Variants in PPM1D observed in about 807,000 individuals in gnomAD.
PPM1D encodes the protein protein phosphatase 1D.
A neutral mutation model predicts 58.3 loss-of-function variants in PPM1D; 52 were observed. The observed-to-expected ratio is 0.89, with a 90% CI of 0.71 to 1.12. The LOEUF is 1.12. Among genes scored for constraint, PPM1D ranks in the 50% most tolerant of loss-of-function variants. The pLI is 0.00. For missense variants in PPM1D, 564 were observed against 777.2 expected, an observed-to-expected ratio of 0.73 and a Z score of 3.26; for synonymous variants, 278 against 285.1, an observed-to-expected ratio of 0.98 and a Z score of 0.25.
chr17:60,641,454 A>C (rs2031132701), intron 3 of PPM1D, among the ~76,000 whole-genome samples: 1 of 152,086 alleles, frequency 6.6e-6, no homozygotes, highest in South Asian at 2.1e-4. Context: ...TAACTTGTTG[A>C]ATTGTTTAAG....
chr17:60,619,986 T>G (rs2143648139), intron 1 of PPM1D, among the ~76,000 whole-genome samples: 1 of 150,308 alleles, frequency 6.7e-6, no homozygotes, highest in Non-Finnish European at 1.5e-5. Flanking sequence ...TGTTTTTGTT[T>G]GTTTTGTTTT....
chr17:60,659,899 TGTG>T (rs1260294435), intron 5 of PPM1D, among the ~76,000 whole-genome samples: 74 of 152,328 alleles, frequency 4.9e-4, no homozygotes, highest in African/African-American at 1.8e-3. Context: ...CCAGCACACC[TGTG>T]GTGTCAGAAT....
chr17:60,662,566 T>TA (rs2031544056), intron 5 of PPM1D: 1 of 158,112 alleles, frequency 6.3e-6, no homozygotes, highest in African/African-American at 2.4e-5. Context: ...GAGAATGCGA[T>TA]ACTTTTGATC....
In PPM1D at chr17:60,663,615, G is replaced by A; in HGVS notation, c.*63G>A. On this transcript the variant is annotated 3_prime_UTR_variant, in exon 6 of 6. Transcript: ENST00000305921. ...TATAAGAGGGCTTTTTAAATTTGGT[G>A]CCGATGTTGAACTTTTTTTAAGGGG... is the stretch of plus-strand genomic sequence containing the variant. 6.6e-7 allele frequency: 1 copy of A among 1,513,070 alleles called. No homozygotes were observed. Among genetic ancestry groups the A allele is most frequent in the Non-Finnish European group, 8.8e-7 (1 of 1,130,390 alleles). 93.7% of individuals were successfully genotyped at this position (1,513,070 alleles called of 1,614,324 possible). A position where few individuals can be genotyped will look rare whatever the true frequency, so the allele number is the denominator to read the frequency against.
At chr17:60,652,185 ACTCT>A (rs1202088367) in intron 4 of PPM1D, among the ~76,000 whole-genome samples, 1 of 149,966 alleles carries the variant, frequency 6.7e-6, no homozygotes, top group South Asian at 2.1e-4. Context: ...CCACAATTCT[ACTCT>A]CTCTCTTTGT....
chr17:60,621,621 C>T (rs1178290176), intron 1 of PPM1D, among the ~76,000 whole-genome samples: 19 of 144,164 alleles, frequency 1.3e-4, no homozygotes, highest in African/African-American at 4.7e-4. Flanking sequence ...GGCCAGACTG[C>T]GGACTGCAGT....
chr17:60,610,372 C>T (rs753238895), intron 1 of PPM1D, among the ~76,000 whole-genome samples: 25 of 152,082 alleles, frequency 1.6e-4, no homozygotes, highest in Admixed American at 9.8e-4. Context: ...TGTTGACACA[C>T]GTAGCTCTAG....
chr17:60,623,379 G>T (rs1362225603), intron 1 of PPM1D, 142 bp from the exon 2 acceptor site: 10 of 750,702 alleles, frequency 1.3e-5, no homozygotes, highest in Non-Finnish European at 1.9e-5. Flanking sequence ...TCCTTTAGTA[G>T]TTTTCAGAAT....
At chr17:60,619,302 T>C (rs1434286994) in intron 1 of PPM1D, among the ~76,000 whole-genome samples, 3 of 152,154 alleles carry the variant, frequency 2.0e-5, no homozygotes, top group Non-Finnish European at 4.4e-5. Flanking sequence ...ATACTTAGAT[T>C]GTTTTCATAT....
At chr17:60,625,302 TATTAG>T (rs2030785596) in intron 2 of PPM1D, among the ~76,000 whole-genome samples, 1 of 152,226 alleles carries the variant, frequency 6.6e-6, no homozygotes, top group South Asian at 2.1e-4. Context: ...CATTTCCTGT[TATTAG>T]ATTAGGAAAG....
At chr17:60,640,365 G>A (rs1189826336) in intron 3 of PPM1D, among the ~76,000 whole-genome samples, 1 of 152,186 alleles carries the variant, frequency 6.6e-6, no homozygotes, top group Non-Finnish European at 1.5e-5. Flanking sequence ...TAACAGAGTT[G>A]GAATGGGAAA....
At chr17:60,620,838 A>G (rs1016841380) in intron 1 of PPM1D, among the ~76,000 whole-genome samples, 1 of 152,094 alleles carries the variant, frequency 6.6e-6, no homozygotes. Flanking sequence ...GTCATATTAA[A>G]AAAGTAATTG....
At chr17:60,612,007 T>A (rs1307546189) in intron 1 of PPM1D, among the ~76,000 whole-genome samples, 1 of 151,426 alleles carries the variant, frequency 6.6e-6, no homozygotes, top group Admixed American at 6.6e-5. Flanking sequence ...ATGTAGCCAC[T>A]GACTACATGT....
intron 1 of PPM1D, among the ~76,000 whole-genome samples, chr17:60,619,204 T>C (rs752445351): frequency 3.3e-5 from 5 of 152,036 alleles, no homozygotes; most frequent in Admixed American, 2.0e-4. Context: ...GTGTTGCACA[T>C]GGCAGGATTT....
chr17:60,653,001 T>C (rs1050733114), intron 4 of PPM1D, among the ~76,000 whole-genome samples: 1 of 152,160 alleles, frequency 6.6e-6, no homozygotes, highest in African/African-American at 2.4e-5. Flanking sequence ...CATTTTAGCT[T>C]GTATTTTCAT....
rs1045267858 is a variant in PPM1D, at chr17:60,647,950, C to T, written c.885C>T (p.Asp295=). 1.9e-6 allele frequency: 3 copies of T among 1,613,246 alleles called. No individual in the cohort carries two copies. Among genetic ancestry groups the T allele is most frequent in the African/African-American group, 2.7e-5 (2 of 74,928 alleles). The change falls in exon 4 of 6, where the codon GAC becomes GAT. Residue 295 remains aspartate (D), a synonymous_variant. Coordinates refer to ENST00000305921, the MANE Select transcript of PPM1D (RefSeq NM_003620.4). ...AATTTGTGGTGTCACCTGAACCAGACACAAGTGTCCACACTCTTGACCCTC... is the reference window on the plus strand; with the variant it reads ...AATTTGTGGTGTCACCTGAACCAGATACAAGTGTCCACACTCTTGACCCTC... The part of the protein sequence containing the change: ...SGEFVVSPEP[D]TSVHTLDPQK...
intron 1 of PPM1D, among the ~76,000 whole-genome samples, chr17:60,607,039 C>T (rs1228736511): frequency 1.3e-5 from 2 of 151,466 alleles, no homozygotes; most frequent in East Asian, 3.9e-4. Flanking sequence ...CCATGTTGCC[C>T]AGGGTGGTTC....
chr17:60,623,960 T>C (rs2030754772), intron 2 of PPM1D, among the ~76,000 whole-genome samples: 1 of 152,188 alleles, frequency 6.6e-6, no homozygotes, highest in South Asian at 2.1e-4. Context: ...ATGACTCTAA[T>C]AGGAAATAAT....
At chr17:60,632,997 A>C (rs1055746728) in intron 2 of PPM1D, among the ~76,000 whole-genome samples, 1 of 151,554 alleles carries the variant, frequency 6.6e-6, no homozygotes, top group African/African-American at 2.4e-5. Flanking sequence ...AAACAAAAAA[A>C]CTGGCTGGGC....
Sources: gnomAD v4.1 joint callset for allele counts (sites outside exome capture counted in the v4.1 genomes callset) on GRCh38, gnomAD v4.1.1 for gene constraint, MANE v1.5 for transcripts, NCBI Gene and HGNC (gene_info 2026-07-23, HGNC 2026-07-21) for gene names.